The following RPRD1A variants were observed in gnomAD, a reference collection of about 807,000 sequenced individuals.
RPRD1A encodes the protein regulation of nuclear pre-mRNA domain-containing protein 1A.
RPRD1A carries 9 observed loss-of-function variants against 37.8 expected under a neutral mutation model. The observed-to-expected ratio is 0.24, with a 90% confidence interval of 0.14 to 0.42. The LOEUF is 0.42. RPRD1A is among the 10% of genes least tolerant of loss of function. The pLI is 1.00. For synonymous variants in RPRD1A, 138 were observed against 139.7 expected (o/e 0.99, Z 0.08); for missense variants, 255 against 371.0 (o/e 0.69, Z 2.57).
intron 1 of RPRD1A, among the ~76,000 whole-genome samples, chr18:36,035,521 C>T (rs962749380): frequency 2.0e-5 from 3 of 152,158 alleles, no homozygotes; most frequent in East Asian, 3.9e-4. Flanking sequence ...CTCTTAACAA[C>T]TAGACCATGC....
In RPRD1A at chr18:36,027,088, C is replaced by T. The variant is rs770627828; in HGVS notation, c.614-13G>A. 5.6e-6 allele frequency: 9 copies of T among 1,612,998 alleles called. No individual in the cohort carries two copies. Among genetic ancestry groups the T allele is most frequent in the Admixed American group, 3.3e-5 (2 of 59,916 alleles). ...CCAGATTCTTTATCTAAGAAAAGCACGGGATAATAAAATATTATACAACAA... is the reference window on the plus strand; with the variant it reads ...CCAGATTCTTTATCTAAGAAAAGCATGGGATAATAAAATATTATACAACAA... On this transcript the variant is annotated splice_polypyrimidine_tract_variant and intron_variant, in intron 5 of 6. Coordinates refer to ENST00000399022, the MANE Select transcript of RPRD1A (RefSeq NM_018170.5).
chr18:36,033,702 T>A lies in RPRD1A; in HGVS notation c.281+6A>T. 1.2e-6 allele frequency: 2 copies of A among 1,605,950 alleles called. No homozygotes were observed. The highest frequency in any genetic ancestry group is 2.2e-5 in the East Asian group (1 of 44,780). ...GATTACCTAATACCCAAAACTATGA[T>A]CATACCTTGAAACATGCTTAAAAGC... On this transcript the variant is annotated splice_donor_region_variant and intron_variant, in intron 2 of 6. Coordinates refer to ENST00000399022, the MANE Select transcript of RPRD1A (RefSeq NM_018170.5).
chr18:36,059,052 A>G, intron 1 of RPRD1A, among the ~76,000 whole-genome samples: 1 of 152,350 alleles, frequency 6.6e-6, no homozygotes, highest in East Asian at 1.9e-4. Flanking sequence ...AATGGATACT[A>G]ACTACCCTTA....
chr18:36,028,731 T>G (rs1911554123), intron 4 of RPRD1A, among the ~76,000 whole-genome samples: 1 of 152,144 alleles, frequency 6.6e-6, no homozygotes, highest in Non-Finnish European at 1.5e-5. Flanking sequence ...ACAAAGAGAT[T>G]TTAGCCATTC....
intron 1 of RPRD1A, among the ~76,000 whole-genome samples, chr18:36,066,197 G>C (rs1177370540): frequency 2.0e-5 from 3 of 152,190 alleles, no homozygotes; most frequent in Non-Finnish European, 4.4e-5. Flanking sequence ...TCTCAAGGAT[G>C]GGTGACGTTT....
intron 6 of RPRD1A, among the ~76,000 whole-genome samples, chr18:35,998,289 G>C (rs558974953): frequency 2.0e-3 from 300 of 152,212 alleles, no homozygotes; most frequent in African/African-American, 7.1e-3. Context: ...ACCTGGGACA[G>C]AGGTTACAGT....
At chr18:36,026,852 A>G in intron 6 of RPRD1A, 48 bp downstream of exon 6, 3 of 1,521,802 alleles carry the variant, frequency 2.0e-6, no homozygotes, top group Non-Finnish European at 2.7e-6. Flanking sequence ...ATTCCTAACA[A>G]AAAGAGAATT....
intron 6 of RPRD1A, among the ~76,000 whole-genome samples, chr18:36,014,575 C>G (rs1368813692): frequency 2.0e-5 from 3 of 152,134 alleles, no homozygotes; most frequent in African/African-American, 7.2e-5. Flanking sequence ...CCCGTCTCTA[C>G]TAAAAATACA....
intron 1 of RPRD1A, among the ~76,000 whole-genome samples, chr18:36,060,164 G>A (rs948190844): frequency 4.9e-4 from 75 of 152,188 alleles, no homozygotes; most frequent in African/African-American, 1.6e-3. Context: ...GGGTGTGGTG[G>A]CTCGCGCTTG....
At chr18:36,067,126 G>A in intron 1 of RPRD1A, 128 bp downstream of exon 1, 5 of 960,902 alleles carry the variant, frequency 5.2e-6, no homozygotes, top group Non-Finnish European at 7.7e-6. Flanking sequence ...GCTCCTCCAA[G>A]CCCGCAGACC....
intron 6 of RPRD1A, among the ~76,000 whole-genome samples, chr18:36,013,274 C>T (rs1190016186): frequency 6.6e-6 from 1 of 151,884 alleles, no homozygotes; most frequent in Non-Finnish European, 1.5e-5. Context: ...AGTTCTCATG[C>T]AGTAAGGAAG....
chr18:36,025,347 A>C (rs560983236), intron 6 of RPRD1A: 1 of 292,354 alleles, frequency 3.4e-6, no homozygotes, highest in Non-Finnish European at 6.6e-6. Flanking sequence ...CTGACACATG[A>C]ATGTTAACAT....
intron 2 of RPRD1A, among the ~76,000 whole-genome samples, chr18:36,033,321 AAAAAGAAT>A: frequency 6.6e-6 from 1 of 150,610 alleles, no homozygotes; most frequent in African/African-American, 2.4e-5. Flanking sequence ...AAAAAAAAAA[AAAAAGAAT>A]AGAAACAGTA....
chr18:36,054,935 G>A (rs1404765101), intron 1 of RPRD1A, among the ~76,000 whole-genome samples: 2 of 151,956 alleles, frequency 1.3e-5, no homozygotes, highest in African/African-American at 4.8e-5. Context: ...CAACCTTTTC[G>A]TTCTATTTAT....
rs535177325 is a variant in RPRD1A, at chr18:36,067,330, G to A, written c.75C>T (p.Thr25=). 4 of 1,608,366 alleles carry A rather than the reference G, an allele frequency of 2.5e-6. No homozygotes were observed. Among genetic ancestry groups the A allele is most frequent in the Admixed American group, 1.7e-5 (1 of 59,184 alleles). The change falls in exon 1 of 7, where the codon ACC becomes ACT. Residue 25 remains threonine (T), a synonymous_variant. Coordinates refer to ENST00000399022, the MANE Select transcript of RPRD1A (RefSeq NM_018170.5). ...GGTGGTGAATGAGCCACAGGGACAA[G>A]GTCTGCACGCTCTGCTGCGAGTTGC... ...ELSNSQQSVQ[T]LSLWLIHHRK... is the part of the protein sequence containing the mutation.
At chr18:36,051,077 T>C (rs181140410) in intron 1 of RPRD1A, among the ~76,000 whole-genome samples, 33 of 152,158 alleles carry the variant, frequency 2.2e-4, no homozygotes, top group African/African-American at 7.0e-4. Flanking sequence ...TGGAAGAAAA[T>C]TCATGTATAC....
At chr18:36,063,845 T>C (rs2088963368) in intron 1 of RPRD1A, 1 of 152,206 alleles carries the variant, frequency 6.6e-6, no homozygotes, top group South Asian at 2.1e-4. Flanking sequence ...CAGGCTAATA[T>C]GAGGATTAAA....
intron 1 of RPRD1A, among the ~76,000 whole-genome samples, chr18:36,054,039 TGA>T (rs1913587781): frequency 6.6e-6 from 1 of 150,916 alleles, no homozygotes; most frequent in African/African-American, 2.5e-5. Flanking sequence ...ATGTGCACAA[TGA>T]GTTTGGGATG....
chr18:36,030,050 A>C (rs1410056280), intron 4 of RPRD1A, among the ~76,000 whole-genome samples: 7 of 150,680 alleles, frequency 4.6e-5, no homozygotes, highest in South Asian at 2.1e-4. Flanking sequence ...TCATGATCCG[A>C]CCACCTTGGC....
Sources: allele counts gnomAD v4.1 joint callset (sites outside exome capture counted in the v4.1 genomes callset), GRCh38; gene constraint gnomAD v4.1.1; transcripts MANE v1.5; gene names NCBI Gene and HGNC (gene_info 2026-07-23, HGNC 2026-07-21).